CUBN: variants seen among roughly 807,000 people sequenced by gnomAD.
The protein encoded by CUBN is 460 kDa receptor.
In CUBN, 282 loss-of-function variants were observed where a neutral mutation model predicts 405.3. That is an observed-to-expected ratio of 0.70 (90% CI 0.63 to 0.77). The LOEUF is 0.77. CUBN is among the 30% of genes least tolerant of loss of function. CUBN has a pLI of 0.00. For synonymous variants in CUBN, 1,684 were observed against 1,617.0 expected, an observed-to-expected ratio of 1.04 and a Z score of -0.99; for missense variants, 4,514 against 4,475.2, an observed-to-expected ratio of 1.01 and a Z score of -0.25.
chr10:16,960,399 C>T lies in CUBN; in HGVS notation c.4696-5851G>A, dbSNP rs145824566. 4.1e-4 allele frequency among the ~76,000 whole-genome samples: 62 copies of T among 151,934 alleles called. No individual in the cohort carries two copies. The East Asian group carries it at 0.011, about 27-fold the overall frequency. Reference sequence around the variant, plus strand: ...CCCAGCTACCTGGGAGGCTGAGGCACGAGAATTGCTTGAACCCAGGAGGCA... The same window carrying T: ...CCCAGCTACCTGGGAGGCTGAGGCATGAGAATTGCTTGAACCCAGGAGGCA... On this transcript the variant is annotated intron_variant, in intron 31 of 66. Coordinates refer to ENST00000377833, the MANE Select transcript of CUBN (RefSeq NM_001081.4).
At chr10:16,848,826 C>T (rs1041490952) in intron 60 of CUBN, among the ~76,000 whole-genome samples, 1 of 150,612 alleles carries the variant, frequency 6.6e-6, no homozygotes, top group Non-Finnish European at 1.5e-5. Flanking sequence ...CTCAGTCTCC[C>T]GAGAAGCTGG....
At chr10:16,910,888 T>C (rs1220848396) in intron 48 of CUBN, among the ~76,000 whole-genome samples, 1 of 152,172 alleles carries the variant, frequency 6.6e-6, no homozygotes, top group South Asian at 2.1e-4. Flanking sequence ...GCCCATTTCC[T>C]TGGGGAGCCG....
chr10:16,930,093 T>C (rs1487510160), intron 40 of CUBN, among the ~76,000 whole-genome samples: 10 of 152,274 alleles, frequency 6.6e-5, no homozygotes, highest in Middle Eastern at 3.4e-3. Context: ...TGCAGAAAGA[T>C]TGAGCCTAAT....
chr10:17,062,102 C>T (rs777113476), intron 22 of CUBN, among the ~76,000 whole-genome samples: 49 of 152,170 alleles, frequency 3.2e-4, no homozygotes, highest in Non-Finnish European at 6.0e-4. Context: ...TCTCATGAAG[C>T]GGCACCTTAC....
chr10:16,986,359 T>C (rs768918214), intron 29 of CUBN, among the ~76,000 whole-genome samples: 3 of 150,584 alleles, frequency 2.0e-5, no homozygotes, highest in Non-Finnish European at 4.4e-5. Flanking sequence ...TGCTGACTGA[T>C]AGGAAAATCA....
At chr10:16,963,312 A>G (rs1480158866) in intron 31 of CUBN, among the ~76,000 whole-genome samples, 1 of 147,334 alleles carries the variant, frequency 6.8e-6, no homozygotes, top group African/African-American at 2.5e-5. Flanking sequence ...CAGCCTCCCA[A>G]GCAGCTGGGA....
At chr10:16,840,733 T>A in intron 61 of CUBN, 152 bp downstream of exon 61, 6 of 834,828 alleles carry the variant, frequency 7.2e-6, no homozygotes, top group Non-Finnish European at 4.0e-6. Context: ...GTAATTAACA[T>A]GGTGTTTAGC....
chr10:17,039,304 A>G (rs866326460), intron 27 of CUBN, among the ~76,000 whole-genome samples: 9 of 152,206 alleles, frequency 5.9e-5, no homozygotes, highest in South Asian at 2.1e-4. Flanking sequence ...TTGGAATTCA[A>G]TCTTTCTCAT....
At position 16,920,156 on chromosome 10, in the gene CUBN, A is replaced by G. The variant is rs535147712; in HGVS notation, c.6647-19T>C. The G allele has an allele frequency of 3.7e-6, 6 of 1,613,346 alleles. No homozygotes were observed. In the South Asian group the frequency reaches 6.6e-5, roughly 18 times the overall value. The stretch of plus-strand genomic sequence containing the variant: ...CCACAGGCTGTGAGCAAACACACTT[A>G]AATCAGTCTATGATCTGGTGAAGGG... On this transcript the variant is annotated intron_variant, in intron 43 of 66. Transcript: ENST00000377833.
chr10:17,078,676 T>C (rs187770324), intron 17 of CUBN, among the ~76,000 whole-genome samples: 194 of 152,320 alleles, frequency 1.3e-3, no homozygotes, highest in Non-Finnish European at 1.4e-3. Context: ...AATGAATGAA[T>C]GGTCTCTTTC....
Position 16,939,095 on chromosome 10 carries a change from GA to G in CUBN, c.5600del (p.Phe1867SerfsTer16), listed in dbSNP as rs747417629. 2 of 1,613,954 alleles carry G rather than the reference GA, an allele frequency of 1.2e-6. No individual in the cohort carries two copies. Among genetic ancestry groups the G allele is most frequent in the East Asian group, 2.2e-5 (1 of 44,854 alleles). On this transcript the variant is annotated frameshift_variant, in exon 38 of 67. Coordinates refer to ENST00000377833, the MANE Select transcript of CUBN (RefSeq NM_001081.4). LOFTEE classifies it high-confidence loss of function. Reference sequence around the variant, plus strand: ...AGTTATGTGGGTAGTTTTCAGGCCAGAAAGGAGAGGCGACTTTCCCATGAGT... The same window carrying G: ...AGTTATGTGGGTAGTTTTCAGGCCAGAAGGAGAGGCGACTTTCCCATGAGT... The part of the protein sequence containing the change: ...VGTHGKVASP[F>X]WPENYPHNSN...
intron 31 of CUBN, among the ~76,000 whole-genome samples, chr10:16,966,524 C>G (rs1419650454): frequency 6.6e-6 from 1 of 152,054 alleles, no homozygotes; most frequent in Non-Finnish European, 1.5e-5. Context: ...TCTCGGCTCA[C>G]TGTAGCCTCT....
At chr10:16,911,010 T>C (rs1403319646) in intron 48 of CUBN, among the ~76,000 whole-genome samples, 1 of 152,168 alleles carries the variant, frequency 6.6e-6, no homozygotes, top group Middle Eastern at 3.4e-3. Flanking sequence ...GCACATTTGA[T>C]GGCAAAGGGA....
chr10:17,017,907 T>C (rs549852540), intron 28 of CUBN, among the ~76,000 whole-genome samples: 8 of 152,168 alleles, frequency 5.3e-5, no homozygotes, highest in Non-Finnish European at 1.5e-5. Flanking sequence ...TCAGGATAGA[T>C]AGGATAGATG....
rs765130414 is a variant in CUBN at position 16,899,144 on chromosome 10, C to G, written c.8450G>C (p.Arg2817Thr). Reference protein sequence around the residue: ...GIFHSDNGTIRSPHWPQNFPE... With the variant: ...GIFHSDNGTITSPHWPQNFPE... ...AAAATTCTGAGGCCAGTGAGGGGAT[C>G]TGATTGTACCATTATCAGAATGAAA... Residue 2817 changes from arginine to threonine, a missense_variant, in exon 54 of 67, where the codon AGA becomes ACA. Physicochemically the swap from Arg to Thr is moderately conservative, Grantham distance 71 (BLOSUM62 -1). This residue lies in a region of CUBN where 1,186 missense variants were observed against 1,186.9 expected (regional missense o/e 1.00). Coordinates refer to ENST00000377833, the MANE Select transcript of CUBN (RefSeq NM_001081.4). The G allele has an allele frequency of 1.9e-6, 3 of 1,614,054 alleles. No individual in the cohort carries two copies. Among genetic ancestry groups the G allele is most frequent in the South Asian group, 2.2e-5 (2 of 91,082 alleles).
chr10:17,081,364 C>T (rs752341737), intron 17 of CUBN, among the ~76,000 whole-genome samples: 2 of 152,194 alleles, frequency 1.3e-5, no homozygotes, highest in Admixed American at 6.5e-5. Context: ...AATTTCTTTT[C>T]TCTTCTCCAC....
rs1384967840 is a variant in CUBN at position 16,988,810 on chromosome 10, A to G, written c.4350+1524T>C. Among the ~76,000 whole-genome samples, 30 of 152,150 alleles carry G rather than the reference A, an allele frequency of 2.0e-4. 1 individual carries two copies. The highest frequency in any genetic ancestry group is 2.0e-3 in the Admixed American group (30 of 15,276). On this transcript the variant is annotated intron_variant, in intron 29 of 66. Coordinates refer to ENST00000377833, the MANE Select transcript of CUBN (RefSeq NM_001081.4). ...TGAGCAGTGACTGGCTTCAGTTATT[A>G]GCTCTTCCACTCCCCTTCCATGTGG...
intron 43 of CUBN, among the ~76,000 whole-genome samples, chr10:16,924,233 A>G (rs1303051471): frequency 6.6e-6 from 1 of 152,154 alleles, no homozygotes; most frequent in African/African-American, 2.4e-5. Context: ...TCAGCTGCAA[A>G]GCTCAGCATC....
chr10:16,985,421 C>G (rs920114949), intron 29 of CUBN, among the ~76,000 whole-genome samples: 5 of 152,316 alleles, frequency 3.3e-5, no homozygotes, highest in Admixed American at 2.6e-4. Flanking sequence ...AGTTCCCCAT[C>G]CATTCCAATG....
Sources: gnomAD v4.1 joint callset for allele counts (sites outside exome capture counted in the v4.1 genomes callset) on GRCh38, gnomAD v4.1.1 for gene constraint, gnomAD v4.1.1 regional missense constraint, MANE v1.5 for transcripts, NCBI Gene and HGNC (gene_info 2026-07-23, HGNC 2026-07-21) for gene names.